The following VCL variants were observed in gnomAD, a reference collection of about 807,000 sequenced individuals.
VCL encodes the protein vinculin, also known as epididymis luminal protein 114.
VCL carries 47 observed loss-of-function variants against 125.7 expected under a neutral mutation model. The ratio of observed to expected loss-of-function variants is 0.37; its 90% CI spans 0.30 to 0.48. VCL has a LOEUF of 0.48. Ranked by LOEUF, VCL falls within the 20% of genes least tolerant of loss-of-function variation. VCL has a pLI of 0.99. For missense variants in VCL, 1,069 were observed against 1,455.5 expected (o/e 0.73, Z 4.32); for synonymous variants, 458 against 514.6 (o/e 0.89, Z 1.49).
Position 74,094,356 on chromosome 10 carries a change from G to A in VCL, c.1438G>A (p.Ala480Thr). 1 of 1,614,168 alleles carries A rather than the reference G, an allele frequency of 6.2e-7. No individual in the cohort carries two copies. Among genetic ancestry groups the A allele is most frequent in the South Asian group, 1.1e-5 (1 of 91,074 alleles). ...GAACCTGCAGACCAAAACCAACCGGGCTGTGGCCAACAGCAGACCGGCCAA... is the reference window on the plus strand; with the variant it reads ...GAACCTGCAGACCAAAACCAACCGGACTGTGGCCAACAGCAGACCGGCCAA... ...LQNLQTKTNR[A>T]VANSRPAKAA... The change falls in exon 11 of 22, where the codon GCT (alanine) becomes ACT (threonine). Residue 480 changes from alanine (A) to threonine (T), a missense_variant. Physicochemically the swap from Ala to Thr is moderately conservative, Grantham distance 58. Coordinates refer to ENST00000211998, the MANE Select transcript of VCL (RefSeq NM_014000.3).
chr10:74,014,566 GAAAA>G lies in VCL; in HGVS notation c.168+16195_168+16198del, dbSNP rs1021190626. Among the ~76,000 whole-genome samples the G allele has an allele frequency of 1.6e-4, 24 of 147,836 alleles. 1 individual carries two copies. Among genetic ancestry groups the G allele is most frequent in the East Asian group, 5.9e-4 (3 of 5,076 alleles). Reference sequence around the variant, plus strand: ...CTATTTTCTTAAAAAAAAAAAAAAAGAAAAAAAGCAAAACGAAAATCCCAAAGAG... The same window carrying G: ...CTATTTTCTTAAAAAAAAAAAAAAAGAAAGCAAAACGAAAATCCCAAAGAG... On this transcript the variant is annotated intron_variant, in intron 1 of 21. Transcript: ENST00000211998.
At chr10:74,032,484 G>A (rs1840895809) in intron 1 of VCL, among the ~76,000 whole-genome samples, 1 of 151,798 alleles carries the variant, frequency 6.6e-6, no homozygotes, top group South Asian at 2.1e-4. Context: ...GATTACCTGA[G>A]GTCAGGAGTT....
rs376226543 is a variant in VCL at position 74,071,066 on chromosome 10, C to T, written c.482C>T (p.Thr161Ile). ...ACTATGGAAGATTTGGTCACTTACA[C>T]AAAGAATCTTGGGCCAGGTTAGTTT... Reference protein sequence around the residue: ...VETMEDLVTYTKNLGPGMTKM... With the variant: ...VETMEDLVTYIKNLGPGMTKM... Residue 161 changes from threonine to isoleucine, a missense_variant, in exon 4 of 22, where the codon ACA becomes ATA. Thr to Ile is a moderately conservative substitution (Grantham distance 89, BLOSUM62 -1). Around this residue, in one of 6 missense-constraint regions of VCL, gnomAD observed 760 missense variants for 928.9 expected, o/e 0.82. Coordinates refer to ENST00000211998, the MANE Select transcript of VCL (RefSeq NM_014000.3). This position sits in a 1 kb window ranked among gnomAD's most constrained non-coding sequence, Gnocchi z 4.1. The T allele has an allele frequency of 6.2e-7, 1 of 1,614,084 alleles. No homozygotes were observed. Among genetic ancestry groups the T allele is most frequent in the Non-Finnish European group, 8.5e-7 (1 of 1,179,950 alleles).
Position 74,072,767 on chromosome 10 carries a change from GCAGGAGCTCACTCAC to G in VCL, c.545_559del (p.Leu182_Glu186del). The G allele has an allele frequency of 6.2e-7, 1 of 1,614,046 alleles. No homozygotes were observed. ...TGGCCAAGATGATTGACGAGAGACAGCAGGAGCTCACTCACCAGGAGCACCGAGTGATGTTGGTGA... is the reference window on the plus strand; with the variant it reads ...TGGCCAAGATGATTGACGAGAGACAGCAGGAGCACCGAGTGATGTTGGTGA... On this transcript the variant is annotated inframe_deletion, in exon 5 of 22. Coordinates refer to ENST00000211998, the MANE Select transcript of VCL (RefSeq NM_014000.3).
In VCL at chr10:74,082,355, G is replaced by T; in HGVS notation, c.784-99G>T. On this transcript the variant is annotated intron_variant, in intron 6 of 21. Transcript: ENST00000211998. ...GGCCTTCGTAGGACTGACTACCTTA[G>T]CTATGTATGTTAATGCTGTAACTTC... 5.5e-6 allele frequency: 7 copies of T among 1,280,092 alleles called. No homozygotes were observed. In the South Asian group the frequency reaches 8.7e-5, roughly 16 times the overall value. The allele number at this position is 1,280,092 out of a possible 1,614,324, so 79.3% of individuals were successfully genotyped here. A position where few individuals can be genotyped will look rare whatever the true frequency, so the allele number is the denominator to read the frequency against.
rs188266463 is a variant in VCL at position 74,042,265 on chromosome 10, C to T, written c.169-818C>T. 3.1e-3 allele frequency among the ~76,000 whole-genome samples: 467 copies of T among 152,236 alleles called. 4 individuals are homozygous for T. The highest frequency in any genetic ancestry group is 5.2e-3 in the Non-Finnish European group (353 of 67,992). ...ATATATCTTAATTTACTTAACTATT[C>T]CTCTTTGTTGGAGGAGTTATTTATG... On this transcript the variant is annotated intron_variant, in intron 1 of 21. Coordinates refer to ENST00000211998, the MANE Select transcript of VCL (RefSeq NM_014000.3).
At chr10:73,999,265 C>T (rs1397997874) in intron 1 of VCL, among the ~76,000 whole-genome samples, 3 of 152,204 alleles carry the variant, frequency 2.0e-5, no homozygotes, top group Admixed American at 6.5e-5. Context: ...TGGGATCTGC[C>T]GCCCCTGCCG....
In VCL at chr10:74,103,802, G is replaced by A. The variant is rs1296096072; in HGVS notation, c.2023-18G>A. 6.2e-7 allele frequency: 1 copy of A among 1,611,160 alleles called. No individual in the cohort carries two copies. Among genetic ancestry groups the A allele is most frequent in the African/African-American group, 1.3e-5 (1 of 74,846 alleles). On this transcript the variant is annotated intron_variant, in intron 14 of 21. Coordinates refer to ENST00000211998, the MANE Select transcript of VCL (RefSeq NM_014000.3). ...AGCAAGGGTGCTCTGGTGTTTAAAG[G>A]TGTTTTGTCATTGTCAGGTGGTCTC...
chr10:74,016,939 A>G (rs565371833), intron 1 of VCL: 1 of 152,138 alleles, frequency 6.6e-6, no homozygotes, highest in Admixed American at 6.5e-5. Context: ...GATATGCTCT[A>G]TATAAGTGAA....
chr10:74,010,760 T>C (rs116843906), intron 1 of VCL, among the ~76,000 whole-genome samples: 5,098 of 152,330 alleles, frequency 0.033, 106 homozygotes, highest in African/African-American at 0.056. Context: ...AGACTTTCTC[T>C]GCCATCTGGG....
chr10:74,006,179 C>T (rs1470598824), intron 1 of VCL, among the ~76,000 whole-genome samples: 2 of 152,178 alleles, frequency 1.3e-5, no homozygotes, highest in African/African-American at 2.4e-5. Flanking sequence ...AGCCACTGTG[C>T]CCGGCCTATT....
intron 19 of VCL, 88 bp from the exon 20 acceptor site, chr10:74,114,096 C>G: frequency 6.6e-7 from 1 of 1,508,694 alleles, no homozygotes. Context: ...AGGTGGCAAG[C>G]TCCCTCCTCT....
rs183865166 is a variant in VCL at position 74,066,305 on chromosome 10, C to T, written c.240-4365C>T. Among the ~76,000 whole-genome samples, 264 of 151,958 alleles carry T rather than the reference C, an allele frequency of 1.7e-3. 6 individuals carry two copies. The highest frequency in any genetic ancestry group is 0.016 in the Admixed American group (244 of 15,256). On this transcript the variant is annotated intron_variant, in intron 2 of 21. Coordinates refer to ENST00000211998, the MANE Select transcript of VCL (RefSeq NM_014000.3). ...AACTCCCGACCTCAGGTGATCTGCC[C>T]GCCTCAGCCTCCCAAAGTGCTGAGA...
intron 2 of VCL, among the ~76,000 whole-genome samples, chr10:74,059,716 CT>C (rs377327369): frequency 1.4e-4 from 22 of 152,226 alleles, no homozygotes; most frequent in African/African-American, 3.8e-4. Context: ...GCTGGACATA[CT>C]TCTAAAGACT....
chr10:74,002,740 G>T (rs1259645273), intron 1 of VCL, among the ~76,000 whole-genome samples: 1 of 151,376 alleles, frequency 6.6e-6, no homozygotes, highest in African/African-American at 2.4e-5. Flanking sequence ...AAATTAACTG[G>T]GCATGGTGGC....
At chr10:73,998,959 T>G (rs1840172227) in intron 1 of VCL, among the ~76,000 whole-genome samples, 1 of 152,174 alleles carries the variant, frequency 6.6e-6, no homozygotes, top group African/African-American at 2.4e-5. Flanking sequence ...TTCCGCCCTT[T>G]TATTCACTTG....
chr10:74,020,611 T>G (rs1465253227), intron 1 of VCL, among the ~76,000 whole-genome samples: 7 of 151,802 alleles, frequency 4.6e-5, no homozygotes, highest in Non-Finnish European at 8.8e-5. Context: ...GAGACCGAGG[T>G]GGGTGGACCA....
intron 8 of VCL, among the ~76,000 whole-genome samples, chr10:74,086,142 C>T (rs905104980): frequency 2.0e-5 from 3 of 152,204 alleles, no homozygotes; most frequent in Admixed American, 6.5e-5. Context: ...GCTGGGATTA[C>T]GGGTGTGAGC....
intron 1 of VCL, among the ~76,000 whole-genome samples, chr10:74,036,625 A>T (rs143715016): frequency 1.8e-4 from 28 of 152,080 alleles, no homozygotes; most frequent in African/African-American, 5.8e-4. Flanking sequence ...ATTCCCAGCT[A>T]CTTGGGAGGC....
Sources: gnomAD v4.1 joint callset for allele counts (sites outside exome capture counted in the v4.1 genomes callset) on GRCh38, gnomAD v4.1.1 for gene constraint, gnomAD v4.1.1 regional missense constraint, Gnocchi (gnomAD v3.1) non-coding constraint, MANE v1.5 for transcripts, NCBI Gene and HGNC (gene_info 2026-07-23, HGNC 2026-07-21) for gene names.